Variants in ASB5 observed in about 807,000 individuals in gnomAD.
ASB5 encodes the protein ankyrin repeat and SOCS box protein 5.
In ASB5, 45 loss-of-function variants were observed where a neutral mutation model predicts 42.1. The observed-to-expected ratio is 1.07, with a 90% confidence interval of 0.84 to 1.37. The LOEUF is 1.37. Ranked by LOEUF, ASB5 falls within the 40% of genes most tolerant of loss-of-function variation. The pLI, the probability that ASB5 is intolerant of heterozygous loss-of-function variation, is 0.00. For synonymous variants in ASB5, 147 were observed against 150.6 expected (o/e 0.98, Z 0.18); for missense variants, 402 against 399.8 (o/e 1.01, Z -0.05).
rs368841826 is a variant in ASB5, at chr4:176,249,861, G to T, written c.196+19052C>A. On this transcript the variant is annotated intron_variant, in intron 1 of 6. Transcript: ENST00000296525. ...CGGGTGGATCACGAGGTCAGGAGAT[G>T]GAGACCATCCTGGCTAACACAGTGA... is the stretch of plus-strand genomic sequence containing the variant. Among the ~76,000 whole-genome samples, 21 of 151,928 alleles carry T rather than the reference G, an allele frequency of 1.4e-4. No individual in the cohort carries two copies. In the East Asian group the frequency reaches 1.8e-3, roughly 13 times the overall value.
chr4:176,268,956 C>T lies in ASB5; in HGVS notation c.153G>A (p.Ala51=), dbSNP rs146804798. 20 of 1,612,786 alleles carry T rather than the reference C, an allele frequency of 1.2e-5. No individual in the cohort carries two copies. The highest frequency in any genetic ancestry group is 5.0e-5 in the Admixed American group (3 of 59,848). The change falls in exon 1 of 7, where the codon GCG becomes GCA. Residue 51 remains alanine (A), a synonymous_variant. Coordinates refer to ENST00000296525, the MANE Select transcript of ASB5 (RefSeq NM_080874.4). ...FYIVKGNRKE[A]ARIAAEFYGV... ...CATAAAATTCAGCTGCTATCCTTGCCGCTTCCTTGCGGTTGCCTTTCACTA... is the reference window on the plus strand; with the variant it reads ...CATAAAATTCAGCTGCTATCCTTGCTGCTTCCTTGCGGTTGCCTTTCACTA...
chr4:176,261,964 T>C (rs1374620507), intron 1 of ASB5, among the ~76,000 whole-genome samples: 2 of 151,356 alleles, frequency 1.3e-5, no homozygotes, highest in African/African-American at 2.4e-5. Flanking sequence ...AAATACTATA[T>C]ATATTACAGA....
At chr4:176,226,809 C>T (rs1186178727) in intron 1 of ASB5, among the ~76,000 whole-genome samples, 4 of 152,198 alleles carry the variant, frequency 2.6e-5, no homozygotes, top group African/African-American at 9.6e-5. Context: ...TCCCCCCACC[C>T]CAGCTTGCCT....
At chr4:176,246,737 C>T (rs1392722419) in intron 1 of ASB5, among the ~76,000 whole-genome samples, 10 of 152,110 alleles carry the variant, frequency 6.6e-5, no homozygotes, top group East Asian at 1.9e-4. Flanking sequence ...CTTCAGAAGA[C>T]GTGATGGTTA....
chr4:176,261,107 CTG>C (rs1434385244), intron 1 of ASB5, among the ~76,000 whole-genome samples: 3 of 152,138 alleles, frequency 2.0e-5, no homozygotes, highest in Non-Finnish European at 4.4e-5. Context: ...CATGGTTTAT[CTG>C]TCACTGGGGA....
rs368333478 is a variant in ASB5 at position 176,268,945 on chromosome 4, G to A, written c.164C>T (p.Ala55Val). The A allele has an allele frequency of 6.2e-7, 1 of 1,612,566 alleles. No individual in the cohort carries two copies. Among genetic ancestry groups the A allele is most frequent in the African/African-American group, 1.3e-5 (1 of 74,800 alleles). ...TTGGGTTACTCCATAAAATTCAGCTGCTATCCTTGCCGCTTCCTTGCGGTT... is the reference window on the plus strand; with the variant it reads ...TTGGGTTACTCCATAAAATTCAGCTACTATCCTTGCCGCTTCCTTGCGGTT... ...KGNRKEAARI[A>V]AEFYGVTQGQ... is the part of the protein sequence containing the mutation. The change falls in exon 1 of 7, where the codon GCA becomes GTA. Residue 55 changes from alanine to valine, a missense_variant. Coordinates refer to ENST00000296525, the MANE Select transcript of ASB5 (RefSeq NM_080874.4).
intron 1 of ASB5, among the ~76,000 whole-genome samples, chr4:176,246,492 C>T (rs1312427222): frequency 6.6e-6 from 1 of 152,198 alleles, no homozygotes; most frequent in Non-Finnish European, 1.5e-5. Context: ...TGTAGACAGT[C>T]CACACCACAG....
chr4:176,265,484 C>A (rs1403599103), intron 1 of ASB5, among the ~76,000 whole-genome samples: 1 of 152,042 alleles, frequency 6.6e-6, no homozygotes, highest in Non-Finnish European at 1.5e-5. Context: ...TTATGTATAC[C>A]GTATCCTCAG....
intron 1 of ASB5, among the ~76,000 whole-genome samples, chr4:176,277,036 G>A (rs1264409252): frequency 1.3e-5 from 2 of 152,130 alleles, no homozygotes; most frequent in African/African-American, 4.8e-5. Context: ...TAATCCCTCT[G>A]AGCCTGTTTT....
At chr4:176,219,601 T>TATATG (rs1753139821) in intron 5 of ASB5, among the ~76,000 whole-genome samples, 1 of 83,424 alleles carries the variant, frequency 1.2e-5, no homozygotes, top group African/African-American at 3.4e-5. Flanking sequence ...TATATATATA[T>TATATG]ATATATATAT....
In ASB5 at chr4:176,244,601, C is replaced by G. The variant is rs114555873; in HGVS notation, c.197-19260G>C. Among the ~76,000 whole-genome samples the G allele has an allele frequency of 2.6e-5, 4 of 152,238 alleles. No individual in the cohort carries two copies. In the South Asian group the frequency reaches 8.3e-4, roughly 32 times the overall value. On this transcript the variant is annotated intron_variant, in intron 1 of 6. Coordinates refer to ENST00000296525, the MANE Select transcript of ASB5 (RefSeq NM_080874.4). Reference sequence around the variant, plus strand: ...CAAGTGAAAATAGCCAAACTGTAAACAGTCACTTGAGTTAAGATGACCCAG... The same window carrying G: ...CAAGTGAAAATAGCCAAACTGTAAAGAGTCACTTGAGTTAAGATGACCCAG...
In ASB5 at chr4:176,241,640, A is replaced by T. The variant is rs369779693; in HGVS notation, c.197-16299T>A. On this transcript the variant is annotated intron_variant, in intron 1 of 6. Transcript: ENST00000296525. ...ATTTTTTATTCTACTTTACTTAAAC[A>T]TGAGTACCTAAATCTGTTGGCCTAG... The T allele has an allele frequency of 1.2e-5, 17 of 1,384,850 alleles. No homozygotes were observed. The East Asian group carries it at 3.7e-4, about 30-fold the overall frequency. 85.8% of individuals were successfully genotyped at this position (1,384,850 alleles called of 1,614,324 possible).
chr4:176,234,886 G>T (rs1753647599), intron 1 of ASB5, among the ~76,000 whole-genome samples: 1 of 152,182 alleles, frequency 6.6e-6, no homozygotes, highest in Non-Finnish European at 1.5e-5. Flanking sequence ...ACATGGACAT[G>T]AGAAGTGTCT....
chr4:176,217,117 G>A, intron 5 of ASB5, 108 bp from the exon 6 acceptor site: 1 of 840,312 alleles, frequency 1.2e-6, no homozygotes, highest in South Asian at 1.8e-5. Context: ...TTATTAAGGG[G>A]ACTTCAACTC....
intron 1 of ASB5, among the ~76,000 whole-genome samples, chr4:176,258,649 G>A (rs1457322729): frequency 6.6e-6 from 1 of 152,034 alleles, no homozygotes; most frequent in Admixed American, 6.6e-5. Flanking sequence ...TAATTATAAA[G>A]TACATAGTTT....
chr4:176,224,388 C>T (rs915298421), intron 2 of ASB5, among the ~76,000 whole-genome samples: 2 of 152,148 alleles, frequency 1.3e-5, no homozygotes, highest in African/African-American at 4.8e-5. Flanking sequence ...GTGCAAGCCA[C>T]CATGCCCGGA....
chr4:176,239,592 C>T (rs1415659203), intron 1 of ASB5, among the ~76,000 whole-genome samples: 1 of 152,188 alleles, frequency 6.6e-6, no homozygotes, highest in Admixed American at 6.5e-5. Context: ...TGAGTCTATA[C>T]AGCTGTTATT....
chr4:176,214,796 AT>A lies in ASB5; in HGVS notation c.*803del, dbSNP rs1329341003. The A allele has an allele frequency of 2.0e-5, 3 of 152,062 alleles. No individual in the cohort carries two copies. Among genetic ancestry groups the A allele is most frequent in the Admixed American group, 1.3e-4 (2 of 15,232 alleles). The allele number at this position is 152,062 out of a possible 1,614,324, so 9.4% of individuals were successfully genotyped here. A position where few individuals can be genotyped will look rare whatever the true frequency, so the allele number is the denominator to read the frequency against. The stretch of plus-strand genomic sequence containing the variant: ...TTCTTAAGTCCAAGTATCACTAGCT[AT>A]TGACAATTTCTGAAATGGAAGAAGG... On this transcript the variant is annotated 3_prime_UTR_variant, in exon 7 of 7. Transcript: ENST00000296525.
At chr4:176,239,063 T>C (rs1323935712) in intron 1 of ASB5, among the ~76,000 whole-genome samples, 1 of 152,180 alleles carries the variant, frequency 6.6e-6, no homozygotes, top group Non-Finnish European at 1.5e-5. Flanking sequence ...AGGCTAGATA[T>C]TCCCAATGAA....
Sources: allele counts gnomAD v4.1 joint callset (sites outside exome capture counted in the v4.1 genomes callset), GRCh38; gene constraint gnomAD v4.1.1; transcripts MANE v1.5; gene names NCBI Gene and HGNC (gene_info 2026-07-23, HGNC 2026-07-21).